The following OSBPL9 variants were observed in gnomAD, a reference collection of about 807,000 sequenced individuals.
The protein encoded by OSBPL9 is oxysterol-binding protein-related protein 9.
In OSBPL9, 40 loss-of-function variants were observed where a neutral mutation model predicts 106.6. The ratio of observed to expected loss-of-function variants is 0.38; its 90% confidence interval spans 0.29 to 0.49. The LOEUF (loss-of-function observed/expected upper bound fraction) is 0.49. Ranked by LOEUF, OSBPL9 falls within the 20% of genes least tolerant of loss-of-function variation. OSBPL9 has a pLI of 0.97. For synonymous variants in OSBPL9, 269 were observed against 295.4 expected (o/e 0.91, Z 0.92); for missense variants, 609 against 887.2 (o/e 0.69, Z 3.98).
intron 2 of OSBPL9, among the ~76,000 whole-genome samples, chr1:51,661,395 G>A (rs1486050500): frequency 1.3e-5 from 2 of 152,154 alleles, no homozygotes; most frequent in South Asian, 2.1e-4. Context: ...GATGATTCAT[G>A]TCTGAAGTAT....
chr1:51,652,154 G>A, intron 2 of OSBPL9, 113 bp downstream of exon 2: 1 of 727,272 alleles, frequency 1.4e-6, no homozygotes, highest in African/African-American at 1.8e-5. Flanking sequence ...TGTTGGGGCA[G>A]GTATCTAAGT....
the OSBPL9 span, among the ~76,000 whole-genome samples, chr1:51,553,354 G>A: frequency 3.4e-4 from 51 of 151,510 alleles, no homozygotes; most frequent in Middle Eastern, 3.4e-3. Flanking sequence ...CTACAAAAAC[G>A]TTAAAAAAAA....
chr1:51,584,765 G>T (rs1645238216), intron 1 of OSBPL9, among the ~76,000 whole-genome samples: 1 of 152,050 alleles, frequency 6.6e-6, no homozygotes, highest in Non-Finnish European at 1.5e-5. Context: ...TAAAGCCCTT[G>T]CACATCCTCT....
chr1:51,524,196 GC>G, the OSBPL9 span, among the ~76,000 whole-genome samples: 10 of 152,230 alleles, frequency 6.6e-5, no homozygotes, highest in African/African-American at 2.2e-4. Context: ...CCATCCCTGT[GC>G]CAGGGATTGA....
At chr1:51,543,627 C>T in the OSBPL9 span, among the ~76,000 whole-genome samples, 1 of 152,158 alleles carries the variant, frequency 6.6e-6, no homozygotes, top group Admixed American at 6.5e-5. Context: ...GATCTCCTGA[C>T]CTCGTGATCC....
At chr1:51,662,150 A>G (rs1257587498) in intron 2 of OSBPL9, among the ~76,000 whole-genome samples, 9 of 152,240 alleles carry the variant, frequency 5.9e-5, no homozygotes, top group African/African-American at 2.2e-4. Context: ...GTTAAAATAA[A>G]TTATAAACTA....
chr1:51,780,181 A>G (rs1264026459), intron 15 of OSBPL9, among the ~76,000 whole-genome samples: 2 of 150,078 alleles, frequency 1.3e-5, no homozygotes, highest in Non-Finnish European at 3.0e-5. Flanking sequence ...ATACCACCTT[A>G]CTCCTGCAAG....
chr1:51,757,450 A>G (rs980048110), intron 9 of OSBPL9, among the ~76,000 whole-genome samples: 1 of 151,944 alleles, frequency 6.6e-6, no homozygotes, highest in Non-Finnish European at 1.5e-5. Flanking sequence ...TATGGTCTCC[A>G]AAGACTCCAA....
the OSBPL9 span, among the ~76,000 whole-genome samples, chr1:51,557,740 A>G: frequency 0.37 from 56,845 of 152,068 alleles, 11,684 homozygotes; most frequent in African/African-American, 0.53. Flanking sequence ...CATCAGTAAA[A>G]TGGCAACGGT....
At chr1:51,707,628 C>A in intron 3 of OSBPL9, 1 of 191,434 alleles carries the variant, frequency 5.2e-6, no homozygotes, top group East Asian at 1.3e-4. Context: ...TTATGAGTCC[C>A]TCCACAATGC....
intron 15 of OSBPL9, among the ~76,000 whole-genome samples, chr1:51,780,293 A>G (rs1043216042): frequency 1.3e-5 from 2 of 152,128 alleles, no homozygotes; most frequent in South Asian, 2.1e-4. Context: ...TACAACCACT[A>G]TGGAAAACAG....
At chr1:51,666,761 G>T (rs900336570) in intron 2 of OSBPL9, among the ~76,000 whole-genome samples, 4 of 152,172 alleles carry the variant, frequency 2.6e-5, no homozygotes, top group Non-Finnish European at 5.9e-5. Flanking sequence ...GGAAATGTTG[G>T]TTGGGCCAGA....
At chr1:51,741,497 A>C (rs1474340570) in intron 4 of OSBPL9, among the ~76,000 whole-genome samples, 36 of 107,950 alleles carry the variant, frequency 3.3e-4, no homozygotes, top group African/African-American at 4.4e-4. Flanking sequence ...TTTTTTCTTT[A>C]CTTCCTCTTC....
At chr1:51,575,558 A>G (rs12036191), upstream of OSBPL9, among the ~76,000 whole-genome samples, 3,894 of 151,982 alleles carry the variant, frequency 0.026, 110 homozygotes, top group East Asian at 0.11. Context: ...AATATCCCAC[A>G]TCAACACACA....
chr1:51,744,230 T>C (rs1667522985), intron 4 of OSBPL9, among the ~76,000 whole-genome samples: 1 of 152,198 alleles, frequency 6.6e-6, no homozygotes, highest in South Asian at 2.1e-4. Context: ...AGTACTATAA[T>C]AGTAGTAATT....
chr1:51,519,414 G>A, the OSBPL9 span: 2 of 200,844 alleles, frequency 1.0e-5, 1 homozygote, highest in Non-Finnish European at 2.0e-5. Flanking sequence ...CTGCCCGCCC[G>A]CCGGAGCCGG....
intron 3 of OSBPL9, among the ~76,000 whole-genome samples, chr1:51,702,109 C>T (rs1483354517): frequency 1.3e-5 from 2 of 152,152 alleles, no homozygotes; most frequent in Non-Finnish European, 2.9e-5. Context: ...AGTAAACATA[C>T]GTGTGCATGT....
At chr1:51,662,384 A>G (rs1288435374) in intron 2 of OSBPL9, among the ~76,000 whole-genome samples, 1 of 152,142 alleles carries the variant, frequency 6.6e-6, no homozygotes, top group African/African-American at 2.4e-5. Flanking sequence ...GATATGGAGC[A>G]TGAGTGTGGA....
chr1:51,537,563 T>A, the OSBPL9 span, among the ~76,000 whole-genome samples: 1 of 152,142 alleles, frequency 6.6e-6, no homozygotes, highest in African/African-American at 2.4e-5. Flanking sequence ...ATTATTATAA[T>A]TATTTTTAAC....
Sources: allele counts gnomAD v4.1 joint callset (sites outside exome capture counted in the v4.1 genomes callset), GRCh38; gene constraint gnomAD v4.1.1; transcripts MANE v1.5; gene names NCBI Gene and HGNC (gene_info 2026-07-23, HGNC 2026-07-21).